FAM168A: variants seen among roughly 807,000 people sequenced by gnomAD.
FAM168A encodes protein FAM168A.
A neutral mutation model predicts 28.5 loss-of-function variants in FAM168A; 3 were observed. That is an observed-to-expected ratio of 0.11 (90% CI 0.05 to 0.27). The LOEUF (loss-of-function observed/expected upper bound fraction) is 0.27. Ranked by LOEUF, FAM168A falls within the 10% of genes least tolerant of loss-of-function variation. The probability of loss-of-function intolerance (pLI) is 1.00; values close to 1 mark genes in which losing one functional copy is unlikely to be tolerated. For missense variants in FAM168A, 222 were observed against 311.5 expected (o/e 0.71, Z 2.16); for synonymous variants, 122 against 124.2 (o/e 0.98, Z 0.12).
At chr11:73,562,936 G>A (rs1426712155) in intron 1 of FAM168A, among the ~76,000 whole-genome samples, 2 of 152,082 alleles carry the variant, frequency 1.3e-5, no homozygotes, top group Non-Finnish European at 2.9e-5. Flanking sequence ...ATTCACACGG[G>A]CCCCAGAGAG....
intron 1 of FAM168A, among the ~76,000 whole-genome samples, chr11:73,556,384 C>G (rs1480288489): frequency 6.6e-6 from 1 of 150,804 alleles, no homozygotes; most frequent in African/African-American, 2.4e-5. Context: ...CCCATTCCCT[C>G]CATCCCACCA....
chr11:73,467,704 C>A (rs1867756727), intron 2 of FAM168A, among the ~76,000 whole-genome samples: 2 of 152,204 alleles, frequency 1.3e-5, no homozygotes, highest in South Asian at 4.1e-4. Context: ...CAAAGCAGTT[C>A]AGTTCCCTCT....
chr11:73,430,548 G>T, intron 3 of FAM168A, 142 bp downstream of exon 3: 2 of 730,564 alleles, frequency 2.7e-6, no homozygotes, highest in Non-Finnish European at 2.5e-6. Flanking sequence ...GTTCCCAGAA[G>T]GGACTCCCAG....
At chr11:73,449,141 A>AT (rs1368791235) in intron 2 of FAM168A, among the ~76,000 whole-genome samples, 1 of 151,420 alleles carries the variant, frequency 6.6e-6, no homozygotes, top group East Asian at 1.9e-4. Flanking sequence ...TAATTTAAAA[A>AT]TTTTTTTTTG....
Position 73,403,726 on chromosome 11 carries a change from G to A in FAM168A, c.*3037C>T, listed in dbSNP as rs1416429622. The A allele has an allele frequency of 2.0e-5, 3 of 152,154 alleles. No homozygotes were observed. The highest frequency in any genetic ancestry group is 4.4e-5 in the Non-Finnish European group (3 of 68,036). 9.4% of individuals were successfully genotyped at this position (152,154 alleles called of 1,614,324 possible). On this transcript the variant is annotated 3_prime_UTR_variant, in exon 8 of 8. Coordinates refer to ENST00000356467, the MANE Select transcript of FAM168A (RefSeq NM_015159.3). ...CTCCTGGGCTCAGTCCTTTTGCAGTGACTCCCCAAGCTTGGCTAGGCTTGT... is the reference window on the plus strand; with the variant it reads ...CTCCTGGGCTCAGTCCTTTTGCAGTAACTCCCCAAGCTTGGCTAGGCTTGT...
chr11:73,564,738 G>A (rs1481906306), intron 1 of FAM168A, among the ~76,000 whole-genome samples: 8 of 106,514 alleles, frequency 7.5e-5, no homozygotes, highest in South Asian at 3.1e-4. Context: ...GTGAGACTCC[G>A]TCACAAAAAA....
At chr11:73,556,500 CAG>C (rs904294869) in intron 1 of FAM168A, among the ~76,000 whole-genome samples, 1 of 151,740 alleles carries the variant, frequency 6.6e-6, no homozygotes, top group African/African-American at 2.4e-5. Context: ...ATCAAAATCA[CAG>C]AGACAGAAGA....
chr11:73,534,274 A>C (rs1943549227), intron 1 of FAM168A, among the ~76,000 whole-genome samples: 1 of 152,244 alleles, frequency 6.6e-6, no homozygotes, highest in African/African-American at 2.4e-5. Context: ...TATTAGATCC[A>C]AGGAAAATGA....
At chr11:73,408,113 C>T (rs769205693) in intron 6 of FAM168A, among the ~76,000 whole-genome samples, 10 of 152,262 alleles carry the variant, frequency 6.6e-5, no homozygotes, top group South Asian at 2.1e-4. Flanking sequence ...TCAAGTGATC[C>T]GCCCACCTCG....
chr11:73,580,155 G>A, intron 1 of FAM168A: 2 of 363,350 alleles, frequency 5.5e-6, no homozygotes. Flanking sequence ...AAAACCAGAA[G>A]AAGAGGTGAG....
chr11:73,585,972 T>C (rs530026233), intron 1 of FAM168A, among the ~76,000 whole-genome samples: 1 of 152,148 alleles, frequency 6.6e-6, no homozygotes, highest in South Asian at 2.1e-4. Flanking sequence ...CTATACTTTG[T>C]AGTACCAACA....
intron 1 of FAM168A, among the ~76,000 whole-genome samples, chr11:73,564,468 G>A (rs562433430): frequency 5.9e-5 from 9 of 151,992 alleles, no homozygotes; most frequent in African/African-American, 1.9e-4. Context: ...GCCAGGCGCA[G>A]TGGCTCACGC....
intron 1 of FAM168A, among the ~76,000 whole-genome samples, chr11:73,500,832 A>G (rs1421354726): frequency 2.0e-5 from 3 of 152,196 alleles, no homozygotes; most frequent in African/African-American, 4.8e-5. Context: ...AAATTCACAC[A>G]TAACAATATT....
intron 2 of FAM168A, among the ~76,000 whole-genome samples, chr11:73,441,382 G>A (rs1457489569): frequency 1.3e-5 from 2 of 152,196 alleles, no homozygotes; most frequent in Non-Finnish European, 2.9e-5. Flanking sequence ...ATTTTAAAGT[G>A]TAACAATATC....
intron 1 of FAM168A, among the ~76,000 whole-genome samples, chr11:73,580,983 A>C (rs1944236268): frequency 6.6e-6 from 1 of 152,264 alleles, no homozygotes; most frequent in Non-Finnish European, 1.5e-5. Context: ...GATGCCACTG[A>C]GATGGCACCT....
chr11:73,430,891 A>T (rs1227804614), intron 2 of FAM168A, 121 bp from the exon 3 acceptor site: 1 of 733,070 alleles, frequency 1.4e-6, no homozygotes, highest in Non-Finnish European at 2.2e-6. Flanking sequence ...TTTGGCGTTC[A>T]GTCTCTCCAT....
chr11:73,538,329 CAAAACAAAAAACA>C (rs1013334465), intron 1 of FAM168A, among the ~76,000 whole-genome samples: 2 of 128,562 alleles, frequency 1.6e-5, no homozygotes, highest in African/African-American at 3.3e-5. Flanking sequence ...ATGCAGGTTC[CAAAACAAAAAACA>C]AAAAAAAAAA....
rs562053116 is a variant in FAM168A at position 73,461,341 on chromosome 11, C to T, written c.70+7064G>A. Among the ~76,000 whole-genome samples the T allele has an allele frequency of 3.9e-5, 6 of 152,230 alleles. No individual in the cohort carries two copies. The East Asian group carries it at 1.2e-3, about 29-fold the overall frequency. ...CCATGTTGCTCAGGCTGGTCTCAAA[C>T]TCCTGGCCTCAAGAGATCCTCCCCC... On this transcript the variant is annotated intron_variant, in intron 2 of 7. Transcript: ENST00000356467.
At chr11:73,482,446 C>G (rs1183774771) in intron 1 of FAM168A, among the ~76,000 whole-genome samples, 1 of 151,942 alleles carries the variant, frequency 6.6e-6, no homozygotes, top group African/African-American at 2.4e-5. Context: ...AGCCCCTCCC[C>G]ACCTTTTGCT....
Sources: gnomAD v4.1 joint callset for allele counts (sites outside exome capture counted in the v4.1 genomes callset) on GRCh38, gnomAD v4.1.1 for gene constraint, MANE v1.5 for transcripts, NCBI Gene and HGNC (gene_info 2026-07-23, HGNC 2026-07-21) for gene names.